MAGI2: variants seen among roughly 807,000 people sequenced by gnomAD.
MAGI2 encodes membrane-associated guanylate kinase, WW and PDZ domain-containing protein 2.
MAGI2 carries 35 observed loss-of-function variants against 133.3 expected under a neutral mutation model. The ratio of observed to expected loss-of-function variants is 0.26; its 90% confidence interval spans 0.20 to 0.35. The LOEUF is 0.35. Ranked by LOEUF, MAGI2 falls within the 10% of genes least tolerant of loss-of-function variation. The pLI, the probability that MAGI2 is intolerant of heterozygous loss-of-function variation, is 1.00. For synonymous variants in MAGI2, 729 were observed against 710.6 expected, an observed-to-expected ratio of 1.03 and a Z score of -0.41; for missense variants, 1,636 against 1,863.4, an observed-to-expected ratio of 0.88 and a Z score of 2.25.
At position 79,386,423 on chromosome 7, in the gene MAGI2, G is replaced by A. The variant is rs191349843; in HGVS notation, c.301+66597C>T. On this transcript the variant is annotated intron_variant, in intron 1 of 21. Coordinates refer to ENST00000354212, the MANE Select transcript of MAGI2 (RefSeq NM_012301.4). ...GTATCAAATCAAATTGTGTACATTG[G>A]GATTAAAAACAGAGACATTTTGGCT... is the stretch of plus-strand genomic sequence containing the variant. Among the ~76,000 whole-genome samples, 17 of 151,912 alleles carry A rather than the reference G, an allele frequency of 1.1e-4. No individual in the cohort carries two copies. The East Asian group carries it at 3.1e-3, about 28-fold the overall frequency.
At chr7:79,061,238 T>A (rs1305743395) in intron 1 of MAGI2, among the ~76,000 whole-genome samples, 1 of 152,058 alleles carries the variant, frequency 6.6e-6, no homozygotes, top group Non-Finnish European at 1.5e-5. Flanking sequence ...AAATGCTCTA[T>A]TTTATTGTTA....
At chr7:79,229,423 C>T (rs1488927243) in intron 1 of MAGI2, among the ~76,000 whole-genome samples, 1 of 152,136 alleles carries the variant, frequency 6.6e-6, no homozygotes, top group Admixed American at 6.5e-5. Context: ...TACAAGAGAT[C>T]GGCATAGAAG....
At chr7:78,447,102 A>G (rs999778094) in intron 6 of MAGI2, among the ~76,000 whole-genome samples, 2 of 152,102 alleles carry the variant, frequency 1.3e-5, no homozygotes, top group Non-Finnish European at 2.9e-5. Flanking sequence ...ATACAGGATA[A>G]TACTTGGTAT....
chr7:78,280,192 A>G (rs1462639176), intron 9 of MAGI2, among the ~76,000 whole-genome samples: 1 of 152,102 alleles, frequency 6.6e-6, no homozygotes, highest in African/African-American at 2.4e-5. Context: ...GGTGGCACTC[A>G]TGGCATGGGG....
intron 6 of MAGI2, among the ~76,000 whole-genome samples, chr7:78,474,131 G>A (rs1025056213): frequency 6.6e-6 from 1 of 151,910 alleles, no homozygotes; most frequent in African/African-American, 2.4e-5. Flanking sequence ...TATCCCATAT[G>A]CTGATATGAC....
intron 1 of MAGI2, among the ~76,000 whole-genome samples, chr7:79,109,906 C>T (rs1818775434): frequency 2.6e-5 from 4 of 151,894 alleles, no homozygotes; most frequent in Admixed American, 2.6e-4. Context: ...TCACAAAGGT[C>T]CAGGACGATT....
intron 3 of MAGI2, among the ~76,000 whole-genome samples, chr7:78,537,877 G>GTA (rs1312744398): frequency 2.6e-5 from 4 of 152,038 alleles, no homozygotes; most frequent in Admixed American, 6.6e-5. Flanking sequence ...TCTTTTTGTT[G>GTA]TATTTGCTTT....
At chr7:78,894,010 C>A (rs76281979) in intron 2 of MAGI2, among the ~76,000 whole-genome samples, 1 of 152,102 alleles carries the variant, frequency 6.6e-6, no homozygotes, top group Non-Finnish European at 1.5e-5. Flanking sequence ...AATGCAAGAA[C>A]TGGGACATGA....
chr7:79,323,663 A>G (rs10953835), intron 1 of MAGI2, among the ~76,000 whole-genome samples: 103,246 of 152,050 alleles, frequency 0.68, 35,440 homozygotes, highest in Non-Finnish European at 0.71. Flanking sequence ...AATGATACAA[A>G]CTTTGCATTT....
At chr7:78,805,143 G>C (rs952330383) in intron 2 of MAGI2, among the ~76,000 whole-genome samples, 1 of 151,312 alleles carries the variant, frequency 6.6e-6, no homozygotes, top group African/African-American at 2.4e-5. Flanking sequence ...ATGGAGCTAC[G>C]ACTCTAAATA....
chr7:78,636,671 G>C (rs960039074), intron 2 of MAGI2, among the ~76,000 whole-genome samples: 1 of 152,050 alleles, frequency 6.6e-6, no homozygotes, highest in African/African-American at 2.4e-5. Flanking sequence ...GGTGGCGGGC[G>C]CCTGTAGTCC....
rs556120916 is a variant in MAGI2, at chr7:79,377,269, A to G, written c.301+75751T>C. On this transcript the variant is annotated intron_variant, in intron 1 of 21. Coordinates refer to ENST00000354212, the MANE Select transcript of MAGI2 (RefSeq NM_012301.4). ...GGCATGACACAGTACCAAACTGAAG[A>G]AAAATGTGCATGATTCAGCACAATA... is the stretch of plus-strand genomic sequence containing the variant. 4.6e-5 allele frequency among the ~76,000 whole-genome samples: 7 copies of G among 151,896 alleles called. No individual in the cohort carries two copies. In the South Asian group the frequency reaches 1.5e-3, roughly 32 times the overall value.
chr7:78,928,627 G>A (rs1297654541), intron 2 of MAGI2, among the ~76,000 whole-genome samples: 3 of 152,024 alleles, frequency 2.0e-5, no homozygotes, highest in South Asian at 4.1e-4. Flanking sequence ...AAGGTGCTTA[G>A]GTAGGCCCTC....
chr7:79,234,524 C>T (rs1831697540), intron 1 of MAGI2, among the ~76,000 whole-genome samples: 1 of 151,852 alleles, frequency 6.6e-6, no homozygotes, highest in African/African-American at 2.4e-5. Context: ...AACTTCCCTT[C>T]TCGCTTCATT....
At chr7:78,788,532 T>A (rs1827016210) in intron 2 of MAGI2, among the ~76,000 whole-genome samples, 1 of 152,044 alleles carries the variant, frequency 6.6e-6, no homozygotes, top group African/African-American at 2.4e-5. Flanking sequence ...TAATTCTGGA[T>A]CTCTTCATTT....
intron 6 of MAGI2, among the ~76,000 whole-genome samples, chr7:78,402,304 G>A (rs1018367721): frequency 6.7e-6 from 1 of 149,470 alleles, no homozygotes; most frequent in Non-Finnish European, 1.5e-5. Flanking sequence ...GTGTCCACCT[G>A]GGGTGTGTGT....
chr7:78,556,599 T>C (rs1799844673), intron 3 of MAGI2, among the ~76,000 whole-genome samples: 1 of 152,064 alleles, frequency 6.6e-6, no homozygotes, highest in Non-Finnish European at 1.5e-5. Flanking sequence ...TATCTATAGG[T>C]GAGAAGAGCC....
intron 1 of MAGI2, among the ~76,000 whole-genome samples, chr7:79,208,950 C>T (rs1415214331): frequency 6.6e-6 from 1 of 151,932 alleles, no homozygotes; most frequent in African/African-American, 2.4e-5. Context: ...TGATCTTACT[C>T]ATATGTAGAA....
intron 2 of MAGI2, among the ~76,000 whole-genome samples, chr7:78,957,056 G>T (rs1802437180): frequency 6.6e-6 from 1 of 151,934 alleles, no homozygotes; most frequent in Non-Finnish European, 1.5e-5. Flanking sequence ...CTGAGGTTAG[G>T]AGTTCGAGAT....
Sources: gnomAD v4.1 joint callset for allele counts (sites outside exome capture counted in the v4.1 genomes callset) on GRCh38, gnomAD v4.1.1 for gene constraint, MANE v1.5 for transcripts, NCBI Gene and HGNC (gene_info 2026-07-23, HGNC 2026-07-21) for gene names.